Variants in ACVR2B observed in about 807,000 individuals in gnomAD.
ACVR2B encodes the protein activin receptor type-2B.
A neutral mutation model predicts 65.1 loss-of-function variants in ACVR2B; 18 were observed. The observed-to-expected ratio is 0.28, with a 90% CI of 0.19 to 0.41. The LOEUF (loss-of-function observed/expected upper bound fraction) is 0.41, where lower values mean the gene tolerates loss of function less well. Among genes scored for constraint, ACVR2B ranks in the 10% least tolerant of loss-of-function variants. The probability of loss-of-function intolerance (pLI) is 1.00; values close to 1 mark genes in which losing one functional copy is unlikely to be tolerated. For missense variants in ACVR2B, 482 were observed against 682.7 expected (o/e 0.71, Z 3.28); for synonymous variants, 298 against 277.7 (o/e 1.07, Z -0.73).
intron 1 of ACVR2B, among the ~76,000 whole-genome samples, chr3:38,457,202 C>CAA (rs35271460): frequency 7.9e-5 from 12 of 151,036 alleles, no homozygotes; most frequent in South Asian, 6.3e-4. Context: ...GGCTCCGTCT[C>CAA]AAAAAAAAAG....
rs1709934279 is a variant in ACVR2B at position 38,477,547 on chromosome 3, C to T, written c.260+53C>T. ...CTTGGACCCACCTGCGCTTATACTG[C>T]CCACTGGGCCATTTGGGTCTCAGGA... On this transcript the variant is annotated intron_variant, in intron 2 of 10. Coordinates refer to ENST00000352511, the MANE Select transcript of ACVR2B (RefSeq NM_001106.4). This position sits in a 1 kb window ranked among gnomAD's most constrained non-coding sequence, Gnocchi z 6.7. The T allele has an allele frequency of 6.3e-7, 1 of 1,575,796 alleles. No individual in the cohort carries two copies. The highest frequency in any genetic ancestry group is 1.8e-5 in the Admixed American group (1 of 56,062).
intron 1 of ACVR2B, among the ~76,000 whole-genome samples, chr3:38,466,110 A>G (rs964560146): frequency 2.6e-5 from 4 of 152,244 alleles, no homozygotes; most frequent in African/African-American, 4.8e-5. Context: ...TAAGCCAGAC[A>G]TGGAAGGACA....
chr3:38,466,507 CTTTT>C (rs71085326), intron 1 of ACVR2B, among the ~76,000 whole-genome samples: 1 of 143,826 alleles, frequency 7.0e-6, no homozygotes, highest in Non-Finnish European at 1.5e-5. Context: ...ACCAAAACTT[CTTTT>C]TTTTTTTTTT....
intron 1 of ACVR2B, among the ~76,000 whole-genome samples, chr3:38,467,783 A>G (rs1005672950): frequency 1.2e-4 from 19 of 152,036 alleles, no homozygotes; most frequent in Admixed American, 1.1e-3. Flanking sequence ...GGAATAATAG[A>G]GAATTCTTCA....
rs149257456 is a variant in ACVR2B, at chr3:38,477,277, T to TG, written c.53-6dup. 5.1e-5 allele frequency: 83 copies of TG among 1,613,904 alleles called. No homozygotes were observed. Among genetic ancestry groups the TG allele is most frequent in the Non-Finnish European group, 6.4e-5 (76 of 1,179,886 alleles). On this transcript the variant is annotated splice_polypyrimidine_tract_variant and intron_variant, in intron 1 of 10. Coordinates refer to ENST00000352511, the MANE Select transcript of ACVR2B (RefSeq NM_001106.4). This position sits in a 1 kb window ranked among gnomAD's most constrained non-coding sequence, Gnocchi z 6.7. ...GCATGCTCAGTGGTTCTCTTTTCTC[T>TG]GGGGCACAGGCTCTGGGCGTGGGGA...
intron 1 of ACVR2B, among the ~76,000 whole-genome samples, chr3:38,456,530 A>G (rs1709553312): frequency 6.6e-6 from 1 of 152,240 alleles, no homozygotes; most frequent in African/African-American, 2.4e-5. Context: ...TGGGGCTGCC[A>G]TAACAAAATA....
In ACVR2B at chr3:38,485,954, G is replaced by A. The variant is rs147547529; in HGVS notation, c.*2622G>A. On this transcript the variant is annotated 3_prime_UTR_variant, in exon 11 of 11. Transcript: ENST00000352511. ...GAATAGTTAGGTCATGATACTACCTGAACACTAAACCCCAGCCTCTTTGTT... is the reference window on the plus strand; with the variant it reads ...GAATAGTTAGGTCATGATACTACCTAAACACTAAACCCCAGCCTCTTTGTT... The A allele has an allele frequency of 3.9e-5, 6 of 152,616 alleles. No individual in the cohort carries two copies. The East Asian group carries it at 1.2e-3, about 29-fold the overall frequency. 9.5% of individuals were successfully genotyped at this position (152,616 alleles called of 1,614,324 possible).
At chr3:38,458,056 T>G (rs1386435189) in intron 1 of ACVR2B, among the ~76,000 whole-genome samples, 1 of 152,190 alleles carries the variant, frequency 6.6e-6, no homozygotes, top group African/African-American at 2.4e-5. Flanking sequence ...GCAGATGATG[T>G]GAGAAACCTG....
In ACVR2B at chr3:38,454,306, G is replaced by A; in HGVS notation, c.-17G>A. The A allele has an allele frequency of 7.8e-7, 1 of 1,279,088 alleles. No individual in the cohort carries two copies. The highest frequency in any genetic ancestry group is 3.2e-5 in the East Asian group (1 of 30,806). 79.2% of individuals were successfully genotyped at this position (1,279,088 alleles called of 1,614,324 possible). Reference sequence around the variant, plus strand: ...TGCCCGCGGGCTCCGGGTGTGCGCGGGGCGGCGCCGCGGAACATGACGGCG... The same window carrying A: ...TGCCCGCGGGCTCCGGGTGTGCGCGAGGCGGCGCCGCGGAACATGACGGCG... On this transcript the variant is annotated 5_prime_UTR_variant, in exon 1 of 11. Transcript: ENST00000352511.
At chr3:38,476,488 C>G (rs1489326616) in intron 1 of ACVR2B, 1 of 152,466 alleles carries the variant, frequency 6.6e-6, no homozygotes, top group Non-Finnish European at 1.5e-5. Flanking sequence ...ACACGCAGGC[C>G]TCATTCCTTA....
chr3:38,478,052 G>A, intron 3 of ACVR2B, 82 bp downstream of exon 3: 2 of 1,595,740 alleles, frequency 1.3e-6, no homozygotes, highest in South Asian at 1.1e-5. Context: ...CCTCAGTTGG[G>A]TGGGGTGTGG....
chr3:38,483,041 T>G lies in ACVR2B; in HGVS notation c.1345-97T>G. 6.9e-7 allele frequency: 1 copy of G among 1,446,466 alleles called. No homozygotes were observed. The highest frequency in any genetic ancestry group is 9.7e-7 in the Non-Finnish European group (1 of 1,030,632). The allele number at this position is 1,446,466 out of a possible 1,614,324, so 89.6% of individuals were successfully genotyped here. On this transcript the variant is annotated intron_variant, in intron 10 of 10. Coordinates refer to ENST00000352511, the MANE Select transcript of ACVR2B (RefSeq NM_001106.4). The surrounding 1 kb of genome is among the most constrained non-coding windows in gnomAD (Gnocchi z 4.8). ...GTGGTTGGGGCTGGTGGGCTCTGCC[T>G]GATCCTTGGGAATATCAAGTTTACT...
In ACVR2B at chr3:38,459,221, TCTG is replaced by T. The variant is rs1466257272; in HGVS notation, c.52+4850_52+4852del. Among the ~76,000 whole-genome samples the T allele has an allele frequency of 2.6e-5, 4 of 152,206 alleles. No individual in the cohort carries two copies. In the East Asian group the frequency reaches 5.8e-4, roughly 22 times the overall value. On this transcript the variant is annotated intron_variant, in intron 1 of 10. Transcript: ENST00000352511. ...CCTAGGAGATTCCTGCTTAGTGAAA[TCTG>T]CTCAGCACGTGAGAGTTTGGTTCAA... is the stretch of plus-strand genomic sequence containing the variant.
chr3:38,483,134 T>C lies in ACVR2B; in HGVS notation c.1345-4T>C. ...GTCTTTCCTGTCTGCCCTATGCTGC[T>C]TAGGGCCTGGCCCAGCTTTGTGTGA... is the stretch of plus-strand genomic sequence containing the variant. On this transcript the variant is annotated splice_region_variant and splice_polypyrimidine_tract_variant and intron_variant, in intron 10 of 10. Transcript: ENST00000352511. This position sits in a 1 kb window ranked among gnomAD's most constrained non-coding sequence, Gnocchi z 4.8. 1.2e-6 allele frequency: 2 copies of C among 1,614,122 alleles called. No homozygotes were observed. Among genetic ancestry groups the C allele is most frequent in the Non-Finnish European group, 1.7e-6 (2 of 1,179,990 alleles).
At chr3:38,471,376 C>T (rs1161580303) in intron 1 of ACVR2B, among the ~76,000 whole-genome samples, 1 of 152,166 alleles carries the variant, frequency 6.6e-6, no homozygotes, top group Non-Finnish European at 1.5e-5. Flanking sequence ...AGGTGAACCC[C>T]AGGTGGGGGC....
Position 38,477,269 on chromosome 3 carries a change from CTT to C in ACVR2B, c.53-15_53-14del. On this transcript the variant is annotated splice_polypyrimidine_tract_variant and intron_variant, in intron 1 of 10. Coordinates refer to ENST00000352511, the MANE Select transcript of ACVR2B (RefSeq NM_001106.4). This position sits in a 1 kb window ranked among gnomAD's most constrained non-coding sequence, Gnocchi z 6.7. ...TCCCAGGGGCATGCTCAGTGGTTCT[CTT>C]TTCTCTGGGGCACAGGCTCTGGGCG... is the stretch of plus-strand genomic sequence containing the variant. The C allele has an allele frequency of 6.2e-7, 1 of 1,613,760 alleles. No individual in the cohort carries two copies. Among genetic ancestry groups the C allele is most frequent in the East Asian group, 2.2e-5 (1 of 44,864 alleles).
In ACVR2B at chr3:38,488,905, G is replaced by T. The variant is rs1469236742; in HGVS notation, c.*5573G>T. Reference sequence around the variant, plus strand: ...AGAACTACTGTAAACCAACCACAGGGCACTAAAGCAATGTACACACCACTC... The same window carrying T: ...AGAACTACTGTAAACCAACCACAGGTCACTAAAGCAATGTACACACCACTC... On this transcript the variant is annotated 3_prime_UTR_variant, in exon 11 of 11. Coordinates refer to ENST00000352511, the MANE Select transcript of ACVR2B (RefSeq NM_001106.4). 6.6e-6 allele frequency: 1 copy of T among 152,196 alleles called. No homozygotes were observed. Among genetic ancestry groups the T allele is most frequent in the Non-Finnish European group, 1.5e-5 (1 of 68,048 alleles). The allele number at this position is 152,196 out of a possible 1,614,324, so 9.4% of individuals were successfully genotyped here.
Position 38,477,532 on chromosome 3 carries a change from C to T in ACVR2B, c.260+38C>T, listed in dbSNP as rs2125722429. The T allele has an allele frequency of 1.2e-6, 2 of 1,601,214 alleles. No homozygotes were observed. Among genetic ancestry groups the T allele is most frequent in the African/African-American group, 1.3e-5 (1 of 74,442 alleles). On this transcript the variant is annotated intron_variant, in intron 2 of 10. Transcript: ENST00000352511. The surrounding 1 kb of genome is among the most constrained non-coding windows in gnomAD (Gnocchi z 6.7). ...TTGCCCTCCTTTCCTCTTGGACCCA[C>T]CTGCGCTTATACTGCCCACTGGGCC...
rs77316668 is a variant in ACVR2B at position 38,482,595 on chromosome 3, G to A, written c.1344+35G>A. 5,638 of 1,602,882 alleles carry A rather than the reference G, an allele frequency of 3.5e-3. 161 individuals are homozygous for A. The African/African-American group carries it at 0.063, about 18-fold the overall frequency. On this transcript the variant is annotated intron_variant, in intron 10 of 10. Coordinates refer to ENST00000352511, the MANE Select transcript of ACVR2B (RefSeq NM_001106.4). ...CTGGTTCAGGCAACTTTGCAGGGGG[G>A]TGGAGAAGGGAAAACCCTTCATGTG... is the stretch of plus-strand genomic sequence containing the variant.
Sources: allele counts gnomAD v4.1 joint callset (sites outside exome capture counted in the v4.1 genomes callset), GRCh38; gene constraint gnomAD v4.1.1; non-coding constraint Gnocchi (gnomAD v3.1); transcripts MANE v1.5; gene names NCBI Gene and HGNC (gene_info 2026-07-23, HGNC 2026-07-21).